AKT3: variants seen among roughly 807,000 people sequenced by gnomAD.
AKT3 encodes RAC-gamma serine/threonine-protein kinase.
In AKT3, 15 loss-of-function variants were observed where a neutral mutation model predicts 65.3. The observed-to-expected ratio is 0.23, with a 90% CI of 0.15 to 0.35. The LOEUF is 0.35. Among genes scored for constraint, AKT3 ranks in the 10% least tolerant of loss-of-function variants. The pLI is 1.00. For synonymous variants in AKT3, 206 were observed against 183.8 expected (o/e 1.12, Z -0.98); for missense variants, 243 against 576.5 (o/e 0.42, Z 5.92).
At position 243,727,826 on chromosome 1, in the gene AKT3, A is replaced by G. The variant is rs74789864; in HGVS notation, c.47-32110T>C. Among the ~76,000 whole-genome samples the G allele has an allele frequency of 5.1e-3, 782 of 152,258 alleles. 9 individuals carry two copies. Among genetic ancestry groups the G allele is most frequent in the African/African-American group, 0.018 (742 of 41,546 alleles). The stretch of plus-strand genomic sequence containing the variant: ...ATCATAACTATTTTGTAAGTATCAA[A>G]CTAAAAAATTTGATATAATCTTAGT... On this transcript the variant is annotated intron_variant, in intron 2 of 13. Transcript: ENST00000673466.
intron 13 of AKT3, among the ~76,000 whole-genome samples, chr1:243,508,971 C>T (rs1050810350): frequency 6.6e-6 from 1 of 152,130 alleles, no homozygotes; most frequent in Non-Finnish European, 1.5e-5. Flanking sequence ...TGCGCCTAGA[C>T]AAAAGCCAGA....
At chr1:243,779,006 T>A (rs1319615472) in intron 2 of AKT3, among the ~76,000 whole-genome samples, 2 of 152,106 alleles carry the variant, frequency 1.3e-5, no homozygotes, top group Admixed American at 6.5e-5. Context: ...GTACCATGAT[T>A]TACTTAGCCA....
intron 2 of AKT3, among the ~76,000 whole-genome samples, chr1:243,785,908 G>A (rs1394876750): frequency 6.6e-6 from 1 of 152,148 alleles, no homozygotes; most frequent in African/African-American, 2.4e-5. Context: ...GATAGGGTGT[G>A]TGACAGGAAA....
chr1:243,554,874 G>A (rs1673308208), intron 10 of AKT3, among the ~76,000 whole-genome samples: 1 of 151,486 alleles, frequency 6.6e-6, no homozygotes, highest in Non-Finnish European at 1.5e-5. Flanking sequence ...ATCCCCAGCT[G>A]GCAAAACTGG....
rs182896138 is a variant in AKT3 at position 243,571,563 on chromosome 1, A to G, written c.819+1363T>C. 8.4e-4 allele frequency among the ~76,000 whole-genome samples: 128 copies of G among 152,296 alleles called. 1 individual carries two copies. The highest frequency in any genetic ancestry group is 3.0e-3 in the African/African-American group (125 of 41,570). ...TATCCTTCCCCTTTTCACCCCTACA[A>G]ATAGGATTCATAAAACATGTAGTGG... On this transcript the variant is annotated intron_variant, in intron 9 of 13. Transcript: ENST00000673466.
rs1311248832 is a variant in AKT3, at chr1:243,504,055, A to G, written c.*1194T>C. 5.3e-5 allele frequency: 12 copies of G among 224,524 alleles called. No homozygotes were observed. In the East Asian group the frequency reaches 7.8e-4, roughly 15 times the overall value. 13.9% of individuals were successfully genotyped at this position (224,524 alleles called of 1,614,324 possible). A position where few individuals can be genotyped will look rare whatever the true frequency, so the allele number is the denominator to read the frequency against. On this transcript the variant is annotated 3_prime_UTR_variant, in exon 14 of 14. Coordinates refer to ENST00000673466, the MANE Select transcript of AKT3 (RefSeq NM_005465.7). ...TTCTCCCAAAGCCAAATTCTAACCA[A>G]TATATTCCATTTCAGAGCCTTATCA...
intron 10 of AKT3, among the ~76,000 whole-genome samples, chr1:243,559,149 A>G (rs915132724): frequency 2.0e-5 from 3 of 152,146 alleles, no homozygotes; most frequent in African/African-American, 7.2e-5. Context: ...AAATCCCCTC[A>G]AGATATCATA....
intron 6 of AKT3, among the ~76,000 whole-genome samples, chr1:243,626,663 G>T (rs1370064719): frequency 6.6e-6 from 1 of 152,142 alleles, no homozygotes; most frequent in African/African-American, 2.4e-5. Context: ...AGGGGTTCCT[G>T]ACATAGAATT....
intron 3 of AKT3, among the ~76,000 whole-genome samples, chr1:243,674,292 A>C (rs1414512006): frequency 6.6e-6 from 1 of 152,210 alleles, no homozygotes; most frequent in Non-Finnish European, 1.5e-5. Flanking sequence ...TGGTAACCAC[A>C]TGAGAGAAAC....
chr1:243,687,566 C>T (rs1684408667), intron 3 of AKT3: 1 of 151,766 alleles, frequency 6.6e-6, no homozygotes, highest in Non-Finnish European at 1.5e-5. Context: ...GGATTTGAAA[C>T]TCTTGACTGC....
intron 3 of AKT3, among the ~76,000 whole-genome samples, chr1:243,668,134 T>C (rs943865596): frequency 4.6e-5 from 7 of 152,202 alleles, no homozygotes; most frequent in African/African-American, 1.4e-4. Context: ...GCTCCATTCA[T>C]ATATTCTTAG....
intron 6 of AKT3, among the ~76,000 whole-genome samples, chr1:243,629,055 T>A (rs1445835979): frequency 1.3e-5 from 2 of 152,058 alleles, no homozygotes; most frequent in Admixed American, 1.3e-4. Flanking sequence ...GGCAGGTGGA[T>A]CACCTGAGGT....
chr1:243,720,705 A>G (rs1011716193), intron 2 of AKT3, among the ~76,000 whole-genome samples: 1 of 152,184 alleles, frequency 6.6e-6, no homozygotes, highest in African/African-American at 2.4e-5. Flanking sequence ...TTAAAATTAT[A>G]AAGTAGATAA....
At position 243,840,253 on chromosome 1, in the gene AKT3, T is replaced by C. The variant is rs923547502; in HGVS notation, c.46+2872A>G. 2.6e-5 allele frequency among the ~76,000 whole-genome samples: 4 copies of C among 152,236 alleles called. No individual in the cohort carries two copies. In the South Asian group the frequency reaches 8.3e-4, roughly 32 times the overall value. Reference sequence around the variant, plus strand: ...CCAAACTAGAAACCAAATTAAAGTATGGCAGCTCTGGAGTACAAAGAGAGC... The same window carrying C: ...CCAAACTAGAAACCAAATTAAAGTACGGCAGCTCTGGAGTACAAAGAGAGC... On this transcript the variant is annotated intron_variant, in intron 2 of 13. Transcript: ENST00000673466.
intron 3 of AKT3, among the ~76,000 whole-genome samples, chr1:243,678,845 C>A (rs1411456132): frequency 1.3e-5 from 2 of 152,150 alleles, no homozygotes; most frequent in Non-Finnish European, 2.9e-5. Flanking sequence ...CGTTTATACA[C>A]AGTCAACTCT....
intron 8 of AKT3, among the ~76,000 whole-genome samples, chr1:243,605,095 G>A (rs999207205): frequency 6.6e-6 from 1 of 152,114 alleles, no homozygotes; most frequent in East Asian, 1.9e-4. Context: ...CACAACCATG[G>A]CTCACTATAA....
chr1:243,619,149 T>A (rs1678555602), intron 6 of AKT3, among the ~76,000 whole-genome samples: 1 of 152,220 alleles, frequency 6.6e-6, no homozygotes, highest in East Asian at 1.9e-4. Context: ...CCCAGAGCTA[T>A]AAATGAGACC....
Position 243,505,330 on chromosome 1 carries a change from A to G in AKT3, c.1359T>C (p.Asp453=), listed in dbSNP as rs142844303. Residue 453 remains aspartate, a synonymous_variant, in exon 14 of 14, where the codon GAT becomes GAC. Transcript: ENST00000673466. ...TITITPPEKY[D]EDGMDCMDNE... ...TGTCCATGCAGTCCATACCATCCTC[A>G]TCATCTGTGGGCAGGAAACATCTAT... is the stretch of plus-strand genomic sequence containing the variant. 410 of 1,613,692 alleles carry G rather than the reference A, an allele frequency of 2.5e-4. 3 individuals carry two copies. The African/African-American group carries it at 4.9e-3, about 19-fold the overall frequency.
chr1:243,722,130 G>A (rs1686951547), intron 2 of AKT3, among the ~76,000 whole-genome samples: 3 of 152,048 alleles, frequency 2.0e-5, no homozygotes, highest in Admixed American at 6.6e-5. Flanking sequence ...CAGGTGTTAC[G>A]TTATTCTCAC....
Sources: gnomAD v4.1 joint callset for allele counts (sites outside exome capture counted in the v4.1 genomes callset) on GRCh38, gnomAD v4.1.1 for gene constraint, MANE v1.5 for transcripts, NCBI Gene and HGNC (gene_info 2026-07-23, HGNC 2026-07-21) for gene names.